The following REEP1 variants were observed in gnomAD, a reference collection of about 807,000 sequenced individuals.
The protein encoded by REEP1 is receptor expression-enhancing protein 1.
A neutral mutation model predicts 40.3 loss-of-function variants in REEP1; 22 were observed. The ratio of observed to expected loss-of-function variants is 0.55; its 90% CI spans 0.39 to 0.78. REEP1 has a LOEUF of 0.78. Ranked by LOEUF, REEP1 falls within the 30% of genes least tolerant of loss-of-function variation. REEP1 has a pLI of 0.00. For missense variants in REEP1, 280 were observed against 361.1 expected, an observed-to-expected ratio of 0.78 and a Z score of 1.82; for synonymous variants, 116 against 139.2, an observed-to-expected ratio of 0.83 and a Z score of 1.17.
chr2:86,266,026 G>T (rs146594824), intron 2 of REEP1, among the ~76,000 whole-genome samples: 2 of 152,272 alleles, frequency 1.3e-5, no homozygotes, highest in East Asian at 3.9e-4. Context: ...AATACTACAC[G>T]TGAGGGAATA....
intron 1 of REEP1, among the ~76,000 whole-genome samples, chr2:86,315,046 T>A (rs537686370): frequency 2.6e-5 from 4 of 152,016 alleles, no homozygotes; most frequent in Non-Finnish European, 5.9e-5. Flanking sequence ...CCTGTCCTCA[T>A]GAGCTCTTCA....
intron 1 of REEP1, among the ~76,000 whole-genome samples, chr2:86,308,621 C>T (rs750388703): frequency 6.6e-6 from 1 of 152,136 alleles, no homozygotes; most frequent in East Asian, 1.9e-4. Flanking sequence ...AGGAGCTTGC[C>T]GTGACAACTG....
intron 2 of REEP1, among the ~76,000 whole-genome samples, chr2:86,265,273 A>T (rs1237005921): frequency 6.6e-6 from 1 of 152,220 alleles, no homozygotes; most frequent in Non-Finnish European, 1.5e-5. Context: ...AATTCAAGTC[A>T]TGCAAAGTTA....
Position 86,334,916 on chromosome 2 carries a change from G to T in REEP1, c.32+2563C>A, listed in dbSNP as rs183915148. On this transcript the variant is annotated intron_variant, in intron 1 of 8. Transcript: ENST00000538924. ...GAAATCTTTGCAACAGCAACATGAG[G>T]TTAACTAGCTGTGGACTAGCATCTG... 8.7e-4 allele frequency among the ~76,000 whole-genome samples: 132 copies of T among 152,318 alleles called. 1 individual carries two copies. The highest frequency in any genetic ancestry group is 3.1e-3 in the African/African-American group (127 of 41,574).
intron 5 of REEP1, chr2:86,251,736 G>A (rs760691291): frequency 1.9e-5 from 11 of 589,074 alleles, no homozygotes; most frequent in Non-Finnish European, 3.3e-5. Flanking sequence ...GGGGCTCTGG[G>A]AACCTCTTGA....
chr2:86,257,615 AG>A (rs35172579), intron 3 of REEP1, among the ~76,000 whole-genome samples: 1 of 148,872 alleles, frequency 6.7e-6, no homozygotes, highest in African/African-American at 2.5e-5. Context: ...ATACCACCAC[AG>A]GGATAGCTAC....
intron 2 of REEP1, among the ~76,000 whole-genome samples, chr2:86,266,689 A>C (rs986171772): frequency 1.3e-5 from 2 of 151,092 alleles, no homozygotes; most frequent in African/African-American, 4.8e-5. Flanking sequence ...ATAAAGATAT[A>C]CTACCAAAAG....
chr2:86,253,089 C>T (rs1315648385), intron 4 of REEP1, among the ~76,000 whole-genome samples: 4 of 152,200 alleles, frequency 2.6e-5, no homozygotes, highest in Admixed American at 2.6e-4. Context: ...CGAGACCAGC[C>T]TGGCCAACAT....
chr2:86,292,145 C>A (rs1333927337), intron 1 of REEP1, among the ~76,000 whole-genome samples: 8 of 152,202 alleles, frequency 5.3e-5, no homozygotes, highest in African/African-American at 1.9e-4. Context: ...TGTGGAGTGG[C>A]AAGCATGCTT....
At position 86,217,035 on chromosome 2, in the gene REEP1, T is replaced by C. The variant is rs772580203; in HGVS notation, c.*4A>G. The C allele has an allele frequency of 8.5e-5, 137 of 1,612,942 alleles. No individual in the cohort carries two copies. Among genetic ancestry groups the C allele is most frequent in the Non-Finnish European group, 1.0e-4 (120 of 1,179,026 alleles). ...GTGGATCCGGTGCTGTTGGCTCATC[T>C]CACTCACGTGGTTTCGGTGGCCGAG... On this transcript the variant is annotated 3_prime_UTR_variant, in exon 9 of 9. Transcript: ENST00000538924.
At chr2:86,270,747 T>A (rs188976288) in intron 2 of REEP1, among the ~76,000 whole-genome samples, 140 of 152,100 alleles carry the variant, frequency 9.2e-4, no homozygotes, top group African/African-American at 3.2e-3. Context: ...GACTAAAGCC[T>A]AGATTGGAAA....
At chr2:86,270,532 C>A (rs1677388036) in intron 2 of REEP1, among the ~76,000 whole-genome samples, 1 of 151,946 alleles carries the variant, frequency 6.6e-6, no homozygotes, top group African/African-American at 2.4e-5. Flanking sequence ...GTTAAAGAAT[C>A]TAAAAGAAAA....
chr2:86,265,435 A>G (rs1166302188), intron 2 of REEP1, among the ~76,000 whole-genome samples: 3 of 152,192 alleles, frequency 2.0e-5, no homozygotes, highest in African/African-American at 7.2e-5. Context: ...TCTAGCTGCC[A>G]CAGGGTCAAG....
intron 1 of REEP1, among the ~76,000 whole-genome samples, chr2:86,330,898 G>C (rs1314503296): frequency 6.6e-6 from 1 of 152,150 alleles, no homozygotes; most frequent in African/African-American, 2.4e-5. Flanking sequence ...ACTGGGATTT[G>C]GGAGTTGTTC....
intron 5 of REEP1, among the ~76,000 whole-genome samples, chr2:86,243,307 G>A (rs1014584085): frequency 6.6e-6 from 1 of 152,160 alleles, no homozygotes; most frequent in African/African-American, 2.4e-5. Flanking sequence ...TCCCACTCAC[G>A]CATGATCCTC....
chr2:86,232,301 G>A (rs1220833363), intron 6 of REEP1, among the ~76,000 whole-genome samples: 1 of 152,156 alleles, frequency 6.6e-6, no homozygotes, highest in Non-Finnish European at 1.5e-5. Context: ...CGGGGCCCAG[G>A]TCCAGTTGTG....
chr2:86,313,972 C>T (rs892067222), intron 1 of REEP1, among the ~76,000 whole-genome samples: 10 of 152,016 alleles, frequency 6.6e-5, no homozygotes, highest in African/African-American at 2.4e-4. Flanking sequence ...GCTAAACAAG[C>T]AACATGCAGG....
chr2:86,225,200 G>A (rs1258596684), intron 7 of REEP1, among the ~76,000 whole-genome samples: 1 of 152,214 alleles, frequency 6.6e-6, no homozygotes, highest in Non-Finnish European at 1.5e-5. Flanking sequence ...GGGCTGGGAC[G>A]CTTCTCTCCA....
chr2:86,315,047 G>T (rs753207718), intron 1 of REEP1, among the ~76,000 whole-genome samples: 1 of 151,996 alleles, frequency 6.6e-6, no homozygotes, highest in Non-Finnish European at 1.5e-5. Flanking sequence ...CTGTCCTCAT[G>T]AGCTCTTCAC....
Sources: gnomAD v4.1 joint callset for allele counts (sites outside exome capture counted in the v4.1 genomes callset) on GRCh38, gnomAD v4.1.1 for gene constraint, MANE v1.5 for transcripts, NCBI Gene and HGNC (gene_info 2026-07-23, HGNC 2026-07-21) for gene names.